The following ATR variants were observed in gnomAD, a reference collection of about 807,000 sequenced individuals.
The protein encoded by ATR is ATR checkpoint kinase.
Under a neutral mutation model 305.3 loss-of-function variants are expected in ATR, and 142 were observed. That is an observed-to-expected ratio of 0.47 (90% confidence interval 0.41 to 0.53). The LOEUF (loss-of-function observed/expected upper bound fraction) is 0.53, where lower values mean the gene tolerates loss of function less well. Ranked by LOEUF, ATR falls within the 20% of genes least tolerant of loss-of-function variation. The probability of loss-of-function intolerance (pLI) is 0.00; values close to 1 mark genes in which losing one functional copy is unlikely to be tolerated. For synonymous variants in ATR, 1,050 were observed against 1,068.1 expected, an observed-to-expected ratio of 0.98 and a Z score of 0.33; for missense variants, 2,135 against 3,133.1, an observed-to-expected ratio of 0.68 and a Z score of 7.60.
rs774824076 is a variant in ATR, at chr3:142,485,261, C to T, written c.6100G>A (p.Glu2034Lys). Residue 2034 changes from glutamate to lysine, a missense_variant, in exon 36 of 47, where the codon GAA becomes AAA. Glu to Lys is a moderately conservative substitution (Grantham distance 56, BLOSUM62 1). Around this residue, in one of 9 missense-constraint regions of ATR, gnomAD observed 462 missense variants for 887.6 expected, o/e 0.52. Transcript: ENST00000350721. The stretch of plus-strand genomic sequence containing the variant: ...AGGTAAAAATGCCCATCCTCCCATT[C>T]TGGCAGGCACGCGGTCACATCCTAT... ...KYKDVTACLP[E>K]WEDGHFYLAK... is the part of the protein sequence containing the mutation. 6 of 1,614,074 alleles carry T rather than the reference C, an allele frequency of 3.7e-6. No homozygotes were observed. The highest frequency in any genetic ancestry group is 3.3e-5 in the South Asian group (3 of 91,088).
intron 35 of ATR, among the ~76,000 whole-genome samples, chr3:142,488,806 A>T (rs1316370043): frequency 6.6e-6 from 1 of 152,204 alleles, no homozygotes; most frequent in Non-Finnish European, 1.5e-5. Flanking sequence ...TCTAATTGTC[A>T]ATTACCTGTT....
At chr3:142,514,809 A>C (rs1392777370) in intron 25 of ATR, among the ~76,000 whole-genome samples, 1 of 23,000 alleles carries the variant, frequency 4.3e-5, no homozygotes, top group African/African-American at 7.0e-4. Flanking sequence ...CTCCGTCACA[A>C]AAAAAAAAAA....
intron 13 of ATR, among the ~76,000 whole-genome samples, chr3:142,551,972 C>T (rs1559987312): frequency 6.6e-6 from 1 of 151,942 alleles, no homozygotes; most frequent in East Asian, 1.9e-4. Context: ...AACAAATTTA[C>T]AAGAAAAAAA....
chr3:142,546,177 G>C (rs1027228329), intron 16 of ATR, among the ~76,000 whole-genome samples: 1 of 152,122 alleles, frequency 6.6e-6, no homozygotes, highest in African/African-American at 2.4e-5. Flanking sequence ...CATATTTCCT[G>C]CTCTGTCTGT....
intron 21 of ATR, among the ~76,000 whole-genome samples, chr3:142,525,408 A>G (rs1178096024): frequency 6.6e-6 from 1 of 151,976 alleles, no homozygotes; most frequent in Non-Finnish European, 1.5e-5. Flanking sequence ...TATGAGCATT[A>G]TTATAAACCT....
At chr3:142,451,873 A>C in intron 46 of ATR, 6 of 1,320,140 alleles carry the variant, frequency 4.5e-6, no homozygotes, top group Non-Finnish European at 5.0e-6. Flanking sequence ...AGCGAGCAGA[A>C]GTTTTAACAG....
intron 22 of ATR, 93 bp from the exon 23 acceptor site, chr3:142,522,934 G>T: frequency 1.1e-6 from 1 of 944,002 alleles, no homozygotes; most frequent in Non-Finnish European, 1.7e-6. Context: ...TAACTTAACT[G>T]CGTAAGTGAA....
intron 18 of ATR, among the ~76,000 whole-genome samples, chr3:142,540,390 C>T (rs2034007550): frequency 6.6e-6 from 1 of 151,996 alleles, no homozygotes; most frequent in South Asian, 2.1e-4. Flanking sequence ...TGGTCATATA[C>T]AACATAATAT....
At chr3:142,486,711 C>T (rs902735642) in intron 35 of ATR, among the ~76,000 whole-genome samples, 13 of 151,860 alleles carry the variant, frequency 8.6e-5, no homozygotes, top group Non-Finnish European at 1.8e-4. Flanking sequence ...ATATATGAAT[C>T]TTATGTATAC....
At chr3:142,465,356 G>A (rs921693594) in intron 40 of ATR, 116 bp from the exon 41 acceptor site, 12 of 747,892 alleles carry the variant, frequency 1.6e-5, no homozygotes, top group Admixed American at 8.9e-5. Context: ...GCTATATTAT[G>A]TAGTGAATTT....
chr3:142,501,778 T>G (rs1424222990), intron 30 of ATR, among the ~76,000 whole-genome samples: 1 of 152,206 alleles, frequency 6.6e-6, no homozygotes, highest in Non-Finnish European at 1.5e-5. Flanking sequence ...AAAGTCTCCC[T>G]CTGCTGCCCA....
intron 21 of ATR, among the ~76,000 whole-genome samples, chr3:142,534,352 G>A (rs1021392646): frequency 2.6e-5 from 4 of 151,974 alleles, no homozygotes; most frequent in African/African-American, 9.7e-5. Context: ...CAAACTCACT[G>A]CCCCAGAAAA....
At chr3:142,462,701 C>G (rs111381449) in intron 41 of ATR, among the ~76,000 whole-genome samples, 19,889 of 152,148 alleles carry the variant, frequency 0.13, 1,376 homozygotes, top group Non-Finnish European at 0.16. Flanking sequence ...ATCTCCTGAC[C>G]TAGTGATCCG....
intron 3 of ATR, among the ~76,000 whole-genome samples, chr3:142,565,417 A>G (rs1162168843): frequency 6.6e-6 from 1 of 152,192 alleles, no homozygotes; most frequent in Non-Finnish European, 1.5e-5. Context: ...TGAAGGGACA[A>G]AAGTAGTAGG....
chr3:142,515,562 T>C lies in ATR; in HGVS notation c.4383-47A>G, dbSNP rs58348002. On this transcript the variant is annotated intron_variant, in intron 24 of 46. Coordinates refer to ENST00000350721, the MANE Select transcript of ATR (RefSeq NM_001184.4). ...TATTAAAAAGATAAATCCACCTGTTTAGAATTTTAGTAAATTACAGCAACT... is the reference window on the plus strand; with the variant it reads ...TATTAAAAAGATAAATCCACCTGTTCAGAATTTTAGTAAATTACAGCAACT... 12,149 of 1,542,374 alleles carry C rather than the reference T, an allele frequency of 7.9e-3. 810 individuals carry two copies. In the African/African-American group the frequency reaches 0.15, roughly 18 times the overall value.
At chr3:142,507,894 A>C in intron 28 of ATR, 37 bp downstream of exon 28, 2 of 1,527,556 alleles carry the variant, frequency 1.3e-6, no homozygotes, top group Non-Finnish European at 1.8e-6. Flanking sequence ...TGGCCACATT[A>C]ATTTTCATTA....
At chr3:142,558,297 T>G (rs1279656354) in intron 8 of ATR, among the ~76,000 whole-genome samples, 1 of 151,550 alleles carries the variant, frequency 6.6e-6, no homozygotes, top group Non-Finnish European at 1.5e-5. Context: ...CTGGGGCAGG[T>G]GGATCACTTG....
In ATR at chr3:142,527,563, T is replaced by C. The variant is rs181172266; in HGVS notation, c.3946-3364A>G. ...TTTCAACAGTTTATTATTTACATAT[T>C]TGACATTTACCAATTTCGCTAGTTT... On this transcript the variant is annotated intron_variant, in intron 21 of 46. Transcript: ENST00000350721. Among the ~76,000 whole-genome samples the C allele has an allele frequency of 1.2e-4, 19 of 152,218 alleles. No individual in the cohort carries two copies. The East Asian group carries it at 3.1e-3, about 25-fold the overall frequency.
intron 25 of ATR, 131 bp from the exon 26 acceptor site, chr3:142,513,769 T>G (rs868400047): frequency 7.8e-6 from 8 of 1,028,072 alleles, no homozygotes; most frequent in Middle Eastern, 6.5e-4. Context: ...AATTAATTTT[T>G]TAATTAAATT....
Sources: gnomAD v4.1 joint callset for allele counts (sites outside exome capture counted in the v4.1 genomes callset) on GRCh38, gnomAD v4.1.1 for gene constraint, gnomAD v4.1.1 regional missense constraint, MANE v1.5 for transcripts, NCBI Gene and HGNC (gene_info 2026-07-23, HGNC 2026-07-21) for gene names.